Variants in MAEA observed in about 807,000 individuals in gnomAD.
MAEA encodes the protein macrophage erythroblast attacher, E3 ubiquitin ligase, also known as E3 ubiquitin-protein transferase MAEA.
MAEA carries 22 observed loss-of-function variants against 46.2 expected under a neutral mutation model. The observed-to-expected ratio is 0.48, with a 90% CI of 0.34 to 0.68. The LOEUF (loss-of-function observed/expected upper bound fraction) is 0.68. Ranked by LOEUF, MAEA falls within the 30% of genes least tolerant of loss-of-function variation. The pLI is 0.01. For synonymous variants in MAEA, 246 were observed against 222.6 expected (o/e 1.11, Z -0.94); for missense variants, 393 against 558.1 (o/e 0.70, Z 2.98).
In MAEA at chr4:1,330,062, G is replaced by A. The variant is rs1739341520; in HGVS notation, c.656+2359G>A. The A allele has an allele frequency of 4.1e-6, 4 of 985,440 alleles. No homozygotes were observed. The South Asian group carries it at 1.4e-4, about 35-fold the overall frequency. The allele number at this position is 985,440 out of a possible 1,614,324, so 61.0% of individuals were successfully genotyped here. A position where few individuals can be genotyped will look rare whatever the true frequency, so the allele number is the denominator to read the frequency against. On this transcript the variant is annotated intron_variant, in intron 5 of 8. Coordinates refer to ENST00000303400, the MANE Select transcript of MAEA (RefSeq NM_001017405.3). ...GGCCGGGCAGGGGGCCTCGTTGGCT[G>A]GGGTGGCTGCAGCTCCGCCCTGCCT...
intron 4 of MAEA, 27 bp from the exon 5 acceptor site, chr4:1,327,600 A>G: frequency 1.3e-6 from 2 of 1,584,356 alleles, no homozygotes; most frequent in Non-Finnish European, 1.7e-6. Context: ...TGTGCTGTCT[A>G]AGCCCTCGTC....
chr4:1,334,972 C>G (rs896029690), intron 6 of MAEA: 1 of 985,278 alleles, frequency 1.0e-6, no homozygotes, highest in African/African-American at 1.7e-5. Flanking sequence ...GACTGAGAAG[C>G]TTACAGAGAC....
intron 6 of MAEA, chr4:1,335,250 A>C (rs1221483073): frequency 1.1e-5 from 11 of 985,360 alleles, no homozygotes; most frequent in Non-Finnish European, 1.2e-6. Flanking sequence ...GAGTTTTTAC[A>C]CCTAATGCTC....
chr4:1,293,565 G>A (rs1734327523), intron 1 of MAEA, among the ~76,000 whole-genome samples: 1 of 152,202 alleles, frequency 6.6e-6, no homozygotes, highest in African/African-American at 2.4e-5. Flanking sequence ...GGCGGGAAGT[G>A]GTGTTCATCA....
At chr4:1,320,660 A>G (rs1737961400) in intron 3 of MAEA, among the ~76,000 whole-genome samples, 1 of 151,930 alleles carries the variant, frequency 6.6e-6, no homozygotes, top group South Asian at 2.1e-4. Flanking sequence ...CAAACGTGCA[A>G]GAAGACACTA....
chr4:1,319,560 A>G (rs1374296546), intron 3 of MAEA, among the ~76,000 whole-genome samples: 1 of 152,022 alleles, frequency 6.6e-6, no homozygotes, highest in Non-Finnish European at 1.5e-5. Context: ...TGTTGACGGG[A>G]CATGAGGCAG....
At chr4:1,334,284 G>C (rs1048953617) in intron 6 of MAEA, among the ~76,000 whole-genome samples, 3 of 151,378 alleles carry the variant, frequency 2.0e-5, no homozygotes, top group African/African-American at 7.3e-5. Flanking sequence ...CTCTGTCAGA[G>C]GCCGGGGTGT....
intron 6 of MAEA, chr4:1,335,130 T>C: frequency 1.0e-6 from 1 of 985,464 alleles, no homozygotes; most frequent in Non-Finnish European, 1.2e-6. Flanking sequence ...AGTCTAAACC[T>C]GAGGTTATTT....
Position 1,292,012 on chromosome 4 carries a change from T to C in MAEA, c.69+2030T>C, listed in dbSNP as rs559333026. ...GGATCCTTGATTTAGAAGCATTTAT[T>C]GGTATAGAACTAAACAGAACATGCT... On this transcript the variant is annotated intron_variant, in intron 1 of 8. Coordinates refer to ENST00000303400, the MANE Select transcript of MAEA (RefSeq NM_001017405.3). Among the ~76,000 whole-genome samples, 8 of 152,332 alleles carry C rather than the reference T, an allele frequency of 5.3e-5. No individual in the cohort carries two copies. The South Asian group carries it at 1.2e-3, about 24-fold the overall frequency.
chr4:1,305,484 G>A (rs77177346), intron 1 of MAEA, among the ~76,000 whole-genome samples: 14,096 of 152,304 alleles, frequency 0.093, 919 homozygotes, highest in Middle Eastern at 0.14. Flanking sequence ...TCCTGCACCT[G>A]TATGTGGATA....
rs1184057326 is a variant in MAEA, at chr4:1,295,296, A to ACTT, written c.69+5314_69+5315insCTT. 2.6e-5 allele frequency among the ~76,000 whole-genome samples: 4 copies of ACTT among 152,238 alleles called. No homozygotes were observed. In the South Asian group the frequency reaches 6.2e-4, roughly 24 times the overall value. On this transcript the variant is annotated intron_variant, in intron 1 of 8. Transcript: ENST00000303400. ...TGATGATTTTTAGGTCTGTTATTTCAGAATCGTTATAGCTAGGGGCCATTA... is the reference window on the plus strand; with the variant it reads ...TGATGATTTTTAGGTCTGTTATTTCACTTGAATCGTTATAGCTAGGGGCCATTA...
intron 5 of MAEA, chr4:1,330,727 C>T (rs11721461): frequency 0.37 from 56,806 of 152,122 alleles, 13,016 homozygotes; most frequent in Non-Finnish European, 0.52. Context: ...GGATGCATAC[C>T]GTGCTGTTCT....
At chr4:1,294,273 G>T (rs1197034900) in intron 1 of MAEA, among the ~76,000 whole-genome samples, 1 of 151,994 alleles carries the variant, frequency 6.6e-6, no homozygotes, top group African/African-American at 2.4e-5. Context: ...GCTGGCTTCC[G>T]CGGCCTCCGC....
intron 4 of MAEA, among the ~76,000 whole-genome samples, chr4:1,325,453 C>T (rs1441268010): frequency 6.6e-6 from 1 of 152,190 alleles, no homozygotes; most frequent in Admixed American, 6.5e-5. Flanking sequence ...CATAGACACA[C>T]TTACATATTA....
chr4:1,335,027 G>A (rs1177049632), intron 6 of MAEA: 7 of 985,342 alleles, frequency 7.1e-6, no homozygotes, highest in Non-Finnish European at 8.4e-6. Context: ...CCCTCCAGGT[G>A]TGGCCGTCTC....
chr4:1,320,564 A>ACGC (rs1737943944), intron 3 of MAEA, among the ~76,000 whole-genome samples: 1 of 149,614 alleles, frequency 6.7e-6, no homozygotes. Context: ...CTGCAAGAAA[A>ACGC]TGCTATGAAG....
At chr4:1,325,416 T>C (rs571311320) in intron 4 of MAEA, among the ~76,000 whole-genome samples, 1 of 141,170 alleles carries the variant, frequency 7.1e-6, no homozygotes, top group Non-Finnish European at 1.6e-5. Flanking sequence ...TGTTTTAGAT[T>C]TGGGTCTGAA....
At chr4:1,315,262 G>A in intron 2 of MAEA, 135 bp from the exon 3 acceptor site, 1 of 797,418 alleles carries the variant, frequency 1.3e-6, no homozygotes. Flanking sequence ...ACTCGGTAGA[G>A]CACGGTTTTT....
rs569498243 is a variant in MAEA, at chr4:1,337,131, C to G, written c.899+137C>G. 4.6e-6 allele frequency: 5 copies of G among 1,094,678 alleles called. No individual in the cohort carries two copies. The South Asian group carries it at 5.8e-5, about 13-fold the overall frequency. 67.8% of individuals were successfully genotyped at this position (1,094,678 alleles called of 1,614,324 possible). ...CCCGAGCTCCCGTGTGCTGCACTTGCGTGGTGTCTGGATGGTCGGGGTGGG... is the reference window on the plus strand; with the variant it reads ...CCCGAGCTCCCGTGTGCTGCACTTGGGTGGTGTCTGGATGGTCGGGGTGGG... On this transcript the variant is annotated intron_variant, in intron 7 of 8. Coordinates refer to ENST00000303400, the MANE Select transcript of MAEA (RefSeq NM_001017405.3).
Sources: allele counts gnomAD v4.1 joint callset (sites outside exome capture counted in the v4.1 genomes callset), GRCh38; gene constraint gnomAD v4.1.1; transcripts MANE v1.5; gene names NCBI Gene and HGNC (gene_info 2026-07-23, HGNC 2026-07-21).